LSAMP: variants seen among roughly 807,000 people sequenced by gnomAD.
The protein encoded by LSAMP is limbic system associated membrane protein.
Under a neutral mutation model 38.6 loss-of-function variants are expected in LSAMP, and 7 were observed. The observed-to-expected ratio is 0.18, with a 90% CI of 0.10 to 0.34. LSAMP has a LOEUF of 0.34. Ranked by LOEUF, LSAMP falls within the 10% of genes least tolerant of loss-of-function variation. LSAMP has a pLI of 1.00. For synonymous variants in LSAMP, 154 were observed against 166.8 expected (o/e 0.92, Z 0.59); for missense variants, 313 against 420.0 (o/e 0.75, Z 2.23).
chr3:116,348,817 A>G (rs771110700), intron 1 of LSAMP, among the ~76,000 whole-genome samples: 6 of 152,146 alleles, frequency 3.9e-5, no homozygotes, highest in Non-Finnish European at 7.4e-5. Flanking sequence ...AAATACTTTT[A>G]TTTATTATTG....
intron 3 of LSAMP, among the ~76,000 whole-genome samples, chr3:116,003,850 G>C (rs1428722043): frequency 6.6e-6 from 1 of 152,172 alleles, no homozygotes. Flanking sequence ...TTCAAAGGGA[G>C]TGTGGCCCTG....
At chr3:116,220,325 C>T (rs1405404917) in intron 1 of LSAMP, among the ~76,000 whole-genome samples, 1 of 143,050 alleles carries the variant, frequency 7.0e-6, no homozygotes, top group South Asian at 2.2e-4. Flanking sequence ...AAGTATCTTG[C>T]CATTTTGCCT....
In LSAMP at chr3:115,841,936, C is replaced by T. The variant is rs148322131; in HGVS notation, c.828G>A (p.Thr276=). Residue 276 remains threonine, a synonymous_variant, in exon 6 of 7, where the codon ACG becomes ACA. Transcript: ENST00000490035. ...IKSTEGQSSL[T]VTNVTEEHYG... Reference sequence around the variant, plus strand: ...AGTGCTCCTCAGTGACGTTGGTCACCGTCAGGGAAGACTGGCCCTCCGTGC... The same window carrying T: ...AGTGCTCCTCAGTGACGTTGGTCACTGTCAGGGAAGACTGGCCCTCCGTGC... The T allele has an allele frequency of 5.6e-5, 91 of 1,613,858 alleles. No individual in the cohort carries two copies. In the African/African-American group the frequency reaches 7.1e-4, roughly 13 times the overall value.
At chr3:115,942,176 AAGG>A (rs1244673728) in intron 3 of LSAMP, among the ~76,000 whole-genome samples, 2 of 152,256 alleles carry the variant, frequency 1.3e-5, no homozygotes, top group Admixed American at 6.5e-5. Flanking sequence ...ACAAAAATGG[AAGG>A]AGAAGTTAAG....
intron 2 of LSAMP, among the ~76,000 whole-genome samples, chr3:116,029,311 G>A (rs980010962): frequency 5.9e-5 from 9 of 152,062 alleles, no homozygotes; most frequent in Admixed American, 1.3e-4. Flanking sequence ...GTCGGCATTT[G>A]AATCACATTT....
intron 3 of LSAMP, among the ~76,000 whole-genome samples, chr3:115,875,221 G>A (rs961255094): frequency 1.1e-4 from 17 of 152,044 alleles, no homozygotes; most frequent in African/African-American, 3.6e-4. Flanking sequence ...CAGAAGAAGC[G>A]AGGCGAGTAA....
At position 116,155,369 on chromosome 3, in the gene LSAMP, C is replaced by T. The variant is rs139835478; in HGVS notation, c.156-68813G>A. On this transcript the variant is annotated intron_variant, in intron 1 of 6. Coordinates refer to ENST00000490035, the MANE Select transcript of LSAMP (RefSeq NM_002338.5). ...TCTCCCAAGAAGTTGGGGTTACAGG[C>T]GCCCACCACCATGCCTGGCTAATTT... Among the ~76,000 whole-genome samples, 466 of 152,024 alleles carry T rather than the reference C, an allele frequency of 3.1e-3. 3 individuals carry two copies. Among genetic ancestry groups the T allele is most frequent in the South Asian group, 0.02 (94 of 4,816 alleles).
intron 3 of LSAMP, among the ~76,000 whole-genome samples, chr3:115,952,346 GA>G (rs1938318984): frequency 6.6e-6 from 1 of 152,098 alleles, no homozygotes; most frequent in Non-Finnish European, 1.5e-5. Flanking sequence ...AGTGGATAAA[GA>G]AAATGTGGTA....
chr3:115,942,680 T>C (rs2107562102), intron 3 of LSAMP, among the ~76,000 whole-genome samples: 1 of 152,290 alleles, frequency 6.6e-6, no homozygotes, highest in African/African-American at 2.4e-5. Flanking sequence ...AAAATGCATA[T>C]TTCCAGGTCA....
intron 6 of LSAMP, among the ~76,000 whole-genome samples, chr3:115,832,061 G>A (rs1395786297): frequency 6.6e-6 from 1 of 152,144 alleles, no homozygotes; most frequent in Non-Finnish European, 1.5e-5. Flanking sequence ...ACAGCTTGAA[G>A]GGGTTAGGAC....
chr3:116,009,138 G>A (rs185614191), intron 3 of LSAMP, among the ~76,000 whole-genome samples: 15 of 152,132 alleles, frequency 9.9e-5, no homozygotes, highest in Non-Finnish European at 2.1e-4. Context: ...ATAATATTCG[G>A]TGAGTACTAC....
intron 1 of LSAMP, among the ~76,000 whole-genome samples, chr3:116,382,011 CAT>C (rs2048565526): frequency 6.6e-6 from 1 of 152,018 alleles, no homozygotes; most frequent in Non-Finnish European, 1.5e-5. Flanking sequence ...ATAAAAAGAA[CAT>C]ATAGCTAAGA....
intron 2 of LSAMP, among the ~76,000 whole-genome samples, chr3:116,064,493 A>G (rs1379815063): frequency 7.3e-6 from 1 of 137,408 alleles, no homozygotes; most frequent in African/African-American, 2.8e-5. Context: ...CCAGAGCGAG[A>G]CTCCGTCTCA....
chr3:116,227,099 C>G (rs1249521185), intron 1 of LSAMP, among the ~76,000 whole-genome samples: 1 of 152,084 alleles, frequency 6.6e-6, no homozygotes, highest in East Asian at 1.9e-4. Context: ...AGTGATGCAT[C>G]TATATTATCA....
chr3:115,919,154 G>A lies in LSAMP; in HGVS notation c.515-66537C>T, dbSNP rs147997340. Among the ~76,000 whole-genome samples the A allele has an allele frequency of 4.2e-3, 637 of 152,200 alleles. 4 individuals carry two copies. Among genetic ancestry groups the A allele is most frequent in the Non-Finnish European group, 6.1e-3 (413 of 68,006 alleles). On this transcript the variant is annotated intron_variant, in intron 3 of 6. Coordinates refer to ENST00000490035, the MANE Select transcript of LSAMP (RefSeq NM_002338.5). ...CACTCCTCACCCCCACTGTCCTGCC[G>A]GATATTGGGTTGTCAATAGGACATT...
At chr3:116,394,063 G>T (rs550840216) in intron 1 of LSAMP, among the ~76,000 whole-genome samples, 2 of 152,228 alleles carry the variant, frequency 1.3e-5, no homozygotes, top group African/African-American at 4.8e-5. Context: ...TATATCTAAG[G>T]CACCTGTTTT....
intron 3 of LSAMP, among the ~76,000 whole-genome samples, chr3:115,892,346 C>T (rs1246576603): frequency 3.3e-5 from 5 of 151,960 alleles, no homozygotes; most frequent in African/African-American, 1.2e-4. Flanking sequence ...ATAGAAACCA[C>T]CCAATGTTTA....
intron 1 of LSAMP, among the ~76,000 whole-genome samples, chr3:116,293,276 C>T (rs2047291822): frequency 2.0e-5 from 3 of 152,298 alleles, no homozygotes; most frequent in Middle Eastern, 3.4e-3. Context: ...AAGGATATCC[C>T]TTCATTTTAA....
intron 1 of LSAMP, among the ~76,000 whole-genome samples, chr3:116,231,042 A>T (rs374843577): frequency 2.0e-5 from 3 of 152,140 alleles, no homozygotes; most frequent in African/African-American, 4.8e-5. Context: ...GTGAGAGAAC[A>T]CAAAGAAGCT....
Sources: gnomAD v4.1 joint callset for allele counts (sites outside exome capture counted in the v4.1 genomes callset) on GRCh38, gnomAD v4.1.1 for gene constraint, MANE v1.5 for transcripts, NCBI Gene and HGNC (gene_info 2026-07-23, HGNC 2026-07-21) for gene names.